The following OR1L8 variants were observed in gnomAD, a reference collection of about 807,000 sequenced individuals.
OR1L8 encodes the protein olfactory receptor family 1 subfamily L member 8.
For synonymous variants in OR1L8, 148 were observed against 147.0 expected, an observed-to-expected ratio of 1.01 and a Z score of -0.05; for missense variants, 330 against 377.4, an observed-to-expected ratio of 0.87 and a Z score of 1.04.
downstream of OR1L8, among the ~76,000 whole-genome samples, chr9:122,565,357 G>A (rs533486129): frequency 7.9e-5 from 12 of 152,306 alleles, no homozygotes; most frequent in East Asian, 2.3e-3. Flanking sequence ...TTAATAAGTG[G>A]ATAGGATGAC....
chr9:122,556,537 G>C, the OR1L8 span, among the ~76,000 whole-genome samples: 1 of 152,136 alleles, frequency 6.6e-6, no homozygotes, highest in Non-Finnish European at 1.5e-5. Context: ...GACAAGGGGA[G>C]GGAGAGCATT....
At chr9:122,557,725 A>G in the OR1L8 span, among the ~76,000 whole-genome samples, 3 of 152,074 alleles carry the variant, frequency 2.0e-5, no homozygotes, top group South Asian at 4.1e-4. Flanking sequence ...GCCTCATAGA[A>G]TGAGCTAAAA....
intron 4 of OR1L8, 133 bp from the exon 5 acceptor site, chr9:122,568,822 T>A (rs1260108726): frequency 5.2e-6 from 1 of 191,958 alleles, no homozygotes; most frequent in East Asian, 1.3e-4. Context: ...CAGACAGATT[T>A]CTGCTTATGT....
chr9:122,577,329 T>C (rs577127270), intron 2 of OR1L8, among the ~76,000 whole-genome samples: 1 of 152,336 alleles, frequency 6.6e-6, no homozygotes, highest in South Asian at 2.1e-4. Context: ...TAGGCAGACT[T>C]CAAATTTAAG....
chr9:122,547,372 A>G, the OR1L8 span, among the ~76,000 whole-genome samples: 2 of 152,280 alleles, frequency 1.3e-5, no homozygotes, highest in East Asian at 3.9e-4. Flanking sequence ...TTTATTTGTT[A>G]TATACTGTTT....
chr9:122,581,257 T>C (rs894721338), intron 1 of OR1L8, among the ~76,000 whole-genome samples: 3 of 152,034 alleles, frequency 2.0e-5, no homozygotes, highest in African/African-American at 4.8e-5. Flanking sequence ...TCCCAGCTAC[T>C]TGGGAGGCTG....
chr9:122,571,159 C>G (rs1829540300), intron 4 of OR1L8, among the ~76,000 whole-genome samples: 1 of 152,170 alleles, frequency 6.6e-6, no homozygotes, highest in African/African-American at 2.4e-5. Flanking sequence ...TCCACTCTTG[C>G]AGCTGTAAGG....
chr9:122,557,530 G>A, the OR1L8 span, among the ~76,000 whole-genome samples: 81 of 152,068 alleles, frequency 5.3e-4, no homozygotes, highest in Middle Eastern at 0.017. Flanking sequence ...AAGTGTTAGA[G>A]TAGCCCTGCA....
At chr9:122,575,161 A>G (rs937104761) in intron 3 of OR1L8, among the ~76,000 whole-genome samples, 2 of 152,046 alleles carry the variant, frequency 1.3e-5, no homozygotes, top group African/African-American at 4.8e-5. Context: ...TAGTTTTCTT[A>G]TAATGTCTTT....
At chr9:122,554,355 C>G in the OR1L8 span, 1 of 541,790 alleles carries the variant, frequency 1.8e-6, no homozygotes, top group Non-Finnish European at 3.3e-6. Context: ...GTCTCAGCCT[C>G]TTTCCTGACC....
At chr9:122,565,783 T>C (rs1829419293), downstream of OR1L8, among the ~76,000 whole-genome samples, 1 of 152,268 alleles carries the variant, frequency 6.6e-6, no homozygotes, top group Non-Finnish European at 1.5e-5. Flanking sequence ...CTTTTATGGA[T>C]CATGCTCTTT....
Position 122,567,523 on chromosome 9 carries a change from T to TA in OR1L8, c.*24dup, listed in dbSNP as rs1283602132. On this transcript the variant is annotated 3_prime_UTR_variant, in exon 5 of 5. Transcript: ENST00000641027. ...ACGTCCAAGTTGAGCAGATTCCACT[T>TA]ACGAGTTTTTCAAGAGGGTGCTTCC... is the stretch of plus-strand genomic sequence containing the variant. The TA allele has an allele frequency of 2.0e-6, 3 of 1,499,732 alleles. No individual in the cohort carries two copies. The highest frequency in any genetic ancestry group is 2.7e-6 in the Non-Finnish European group (3 of 1,111,856). The allele number at this position is 1,499,732 out of a possible 1,614,324, so 92.9% of individuals were successfully genotyped here.
chr9:122,548,388 G>A, the OR1L8 span, among the ~76,000 whole-genome samples: 1 of 152,088 alleles, frequency 6.6e-6, no homozygotes, highest in South Asian at 2.1e-4. Flanking sequence ...CTAGTACAGG[G>A]AGGAAATTTT....
chr9:122,558,788 A>G, the OR1L8 span, among the ~76,000 whole-genome samples: 4 of 151,436 alleles, frequency 2.6e-5, no homozygotes, highest in South Asian at 6.2e-4. Flanking sequence ...TTGATATTCC[A>G]TTTCCTTTTT....
downstream of OR1L8, among the ~76,000 whole-genome samples, chr9:122,566,360 G>A (rs1007857036): frequency 6.2e-4 from 94 of 152,140 alleles, no homozygotes; most frequent in Non-Finnish European, 1.8e-4. Flanking sequence ...GTATAAAGAT[G>A]AGGAAATATT....
the OR1L8 span, chr9:122,553,782 G>A: frequency 1.9e-6 from 3 of 1,613,956 alleles, no homozygotes; most frequent in African/African-American, 4.0e-5. Flanking sequence ...CCTGAAGCTT[G>A]CCTGCTCAGA....
chr9:122,565,663 G>A (rs1279773369), downstream of OR1L8, among the ~76,000 whole-genome samples: 10 of 152,282 alleles, frequency 6.6e-5, no homozygotes, highest in African/African-American at 1.2e-4. Flanking sequence ...TATGGATCCC[G>A]TCACCCAGGT....
chr9:122,569,283 G>A (rs1829496828), intron 4 of OR1L8, among the ~76,000 whole-genome samples: 1 of 152,032 alleles, frequency 6.6e-6, no homozygotes, highest in Non-Finnish European at 1.5e-5. Context: ...TACAGAATAA[G>A]CACCCATTGT....
At chr9:122,559,328 G>A in the OR1L8 span, among the ~76,000 whole-genome samples, 1 of 151,402 alleles carries the variant, frequency 6.6e-6, no homozygotes, top group East Asian at 1.9e-4. Flanking sequence ...TTTACTTTAA[G>A]TTCTAGGATA....
Sources: gnomAD v4.1 joint callset for allele counts (sites outside exome capture counted in the v4.1 genomes callset) on GRCh38, gnomAD v4.1.1 for gene constraint, MANE v1.5 for transcripts, NCBI Gene and HGNC (gene_info 2026-07-23, HGNC 2026-07-21) for gene names.